ODAD2: variants seen among roughly 807,000 people sequenced by gnomAD.
ODAD2 encodes outer dynein arm docking complex subunit 2.
In ODAD2, 89 loss-of-function variants were observed where a neutral mutation model predicts 106.8. The observed-to-expected ratio is 0.83, with a 90% confidence interval of 0.70 to 0.99. The LOEUF (loss-of-function observed/expected upper bound fraction) is 0.99. ODAD2 is among the 50% of genes least tolerant of loss of function. The pLI is 0.00. For missense variants in ODAD2, 1,168 were observed against 1,238.5 expected, an observed-to-expected ratio of 0.94 and a Z score of 0.85; for synonymous variants, 404 against 436.2, an observed-to-expected ratio of 0.93 and a Z score of 0.92.
At position 27,935,112 on chromosome 10, in the gene ODAD2, C is replaced by T; in HGVS notation, c.2393G>A (p.Gly798Asp). 1 of 1,613,970 alleles carries T rather than the reference C, an allele frequency of 6.2e-7. No individual in the cohort carries two copies. Among genetic ancestry groups the T allele is most frequent in the Non-Finnish European group, 8.5e-7 (1 of 1,179,898 alleles). ...ENRVIVRKCG[G>D]IQPLVNLLVG... ...AAGGAGGTTCACAAGTGGTTGAATG[C>T]CACCACATTTCCGGACAATGACTCG... Residue 798 changes from glycine to aspartate, a missense_variant, in exon 16 of 20, where the codon GGC becomes GAC. Around this residue, in one of 3 missense-constraint regions of ODAD2, gnomAD observed 701 missense variants for 712.3 expected, o/e 0.98. Transcript: ENST00000305242.
At chr10:27,903,386 G>C (rs1292176165) in intron 17 of ODAD2, among the ~76,000 whole-genome samples, 6 of 152,136 alleles carry the variant, frequency 3.9e-5, no homozygotes, top group African/African-American at 1.4e-4. Context: ...TTGAAAACCA[G>C]CACAAGACAA....
intron 2 of ODAD2, among the ~76,000 whole-genome samples, chr10:27,987,999 C>CA (rs988573143): frequency 6.7e-6 from 1 of 148,848 alleles, no homozygotes; most frequent in Non-Finnish European, 1.5e-5. Context: ...TGTTTATGAA[C>CA]AAAAAAACTA....
chr10:27,885,027 G>A (rs1164210942), intron 17 of ODAD2, among the ~76,000 whole-genome samples: 3 of 151,832 alleles, frequency 2.0e-5, no homozygotes, highest in African/African-American at 7.3e-5. Flanking sequence ...GACATACGAA[G>A]AAACAGGAAA....
At chr10:27,944,785 A>G in intron 11 of ODAD2, 31 bp downstream of exon 11, 1 of 1,613,634 alleles carries the variant, frequency 6.2e-7, no homozygotes, top group Non-Finnish European at 8.5e-7. Flanking sequence ...TGGGAACAAG[A>G]CTCCGCATCC....
At chr10:27,848,582 T>C (rs1838982462) in intron 19 of ODAD2, among the ~76,000 whole-genome samples, 1 of 152,016 alleles carries the variant, frequency 6.6e-6, no homozygotes, top group Admixed American at 6.6e-5. Flanking sequence ...ACTAAAGAGC[T>C]CCTGCACAGC....
At chr10:27,923,954 G>GAA (rs1844980050) in intron 16 of ODAD2, among the ~76,000 whole-genome samples, 1 of 61,360 alleles carries the variant, frequency 1.6e-5, no homozygotes, top group Non-Finnish European at 3.1e-5. Flanking sequence ...ATGAAAGAAA[G>GAA]AAAGAAAGAA....
chr10:27,986,190 T>C (rs766528273), intron 3 of ODAD2, among the ~76,000 whole-genome samples: 4 of 152,152 alleles, frequency 2.6e-5, no homozygotes, highest in Non-Finnish European at 5.9e-5. Context: ...CAACCATTTA[T>C]TGAGCATCTC....
In ODAD2 at chr10:27,971,125, G is replaced by T. The variant is rs770479946; in HGVS notation, c.1125C>A (p.Thr375=). Residue 375 remains threonine (T), a synonymous_variant, in exon 8 of 20, where the codon ACC becomes ACA. Transcript: ENST00000305242. ...CTACATACCCTTTGTAATTAACAGT[G>T]GTCTTCCAGTTTAAGCTTGGTTCCC... The part of the protein sequence containing the change: ...KRWEPSLNWK[T]TVNYKGKGSA... 8 of 1,612,848 alleles carry T rather than the reference G, an allele frequency of 5.0e-6. No individual in the cohort carries two copies. The highest frequency in any genetic ancestry group is 1.3e-5 in the African/African-American group (1 of 74,858).
chr10:27,912,869 A>C (rs74127149), intron 16 of ODAD2, among the ~76,000 whole-genome samples: 6,999 of 152,282 alleles, frequency 0.046, 564 homozygotes, highest in African/African-American at 0.16. Context: ...AAAACAGATT[A>C]GAAGAGAATT....
intron 19 of ODAD2, among the ~76,000 whole-genome samples, chr10:27,857,329 T>A (rs906317203): frequency 1.3e-5 from 2 of 152,234 alleles, no homozygotes; most frequent in African/African-American, 4.8e-5. Context: ...ACATATAACA[T>A]ACGAAATATG....
intron 19 of ODAD2, among the ~76,000 whole-genome samples, chr10:27,832,634 G>T (rs527582030): frequency 6.6e-6 from 1 of 152,176 alleles, no homozygotes; most frequent in Admixed American, 6.5e-5. Context: ...GCTCCTTTTG[G>T]TGTTACTGGT....
In ODAD2 at chr10:27,961,800, C is replaced by A; in HGVS notation, c.1239-85G>T. ...CTACATGGGGCCAGGTGCAGTGGCT[C>A]ATGCCTATAATCTCAGTGCTTTGGG... is the stretch of plus-strand genomic sequence containing the variant. On this transcript the variant is annotated intron_variant, in intron 9 of 19. Transcript: ENST00000305242. The A allele has an allele frequency of 2.5e-6, 3 of 1,185,854 alleles. No individual in the cohort carries two copies. In the South Asian group the frequency reaches 4.6e-5, roughly 18 times the overall value. The allele number at this position is 1,185,854 out of a possible 1,614,324, so 73.5% of individuals were successfully genotyped here.
chr10:27,993,974 A>ATGTGTG (rs56017872), intron 2 of ODAD2, among the ~76,000 whole-genome samples: 17,154 of 140,488 alleles, frequency 0.12, 1,141 homozygotes, highest in Middle Eastern at 0.24. Context: ...ATATATATAT[A>ATGTGTG]TGTGTGTGTG....
Position 27,862,490 on chromosome 10 carries a change from A to C in ODAD2, c.2743T>G (p.Leu915Val), listed in dbSNP as rs1840118994. The C allele has an allele frequency of 6.2e-7, 1 of 1,612,658 alleles. No homozygotes were observed. Among genetic ancestry groups the C allele is most frequent in the Non-Finnish European group, 8.5e-7 (1 of 1,179,406 alleles). The change falls in exon 18 of 20, where the codon TTA becomes GTA. Residue 915 changes from leucine to valine, a missense_variant. Leu to Val is a conservative substitution (Grantham distance 32). Coordinates refer to ENST00000305242, the MANE Select transcript of ODAD2 (RefSeq NM_018076.5). ...ACTCCATGATCTGTGATAACAGCTA[A>C]ATTTTCTTGATCTTTTGCTATGTTG... is the stretch of plus-strand genomic sequence containing the variant. Reference protein sequence around the residue: ...ITNIAKDQENLAVITDHGVVP... With the variant: ...ITNIAKDQENVAVITDHGVVP...
At chr10:27,819,206 G>A (rs565394509) in intron 19 of ODAD2, among the ~76,000 whole-genome samples, 13 of 152,178 alleles carry the variant, frequency 8.5e-5, no homozygotes, top group African/African-American at 1.4e-4. Flanking sequence ...AGCACAGGTC[G>A]GGGGAATTTA....
At chr10:27,923,998 GA>G (rs879488431) in intron 16 of ODAD2, among the ~76,000 whole-genome samples, 2 of 136,864 alleles carry the variant, frequency 1.5e-5, no homozygotes, top group African/African-American at 2.8e-5. Context: ...AAGAAAGAAA[GA>G]AAGAAAGAAA....
intron 17 of ODAD2, among the ~76,000 whole-genome samples, chr10:27,874,859 C>A (rs542158043): frequency 3.3e-5 from 5 of 152,196 alleles, no homozygotes; most frequent in African/African-American, 9.6e-5. Context: ...CGAGGAGTAT[C>A]TTTGTGGTGT....
intron 17 of ODAD2, among the ~76,000 whole-genome samples, chr10:27,897,788 A>G (rs1239777986): frequency 6.6e-6 from 1 of 152,144 alleles, no homozygotes; most frequent in East Asian, 1.9e-4. Flanking sequence ...AGACAAGAAG[A>G]GGGCTGGAGG....
intron 19 of ODAD2, among the ~76,000 whole-genome samples, chr10:27,845,332 G>A (rs939922863): frequency 6.6e-6 from 1 of 152,154 alleles, no homozygotes; most frequent in Non-Finnish European, 1.5e-5. Flanking sequence ...AGCTTCATAA[G>A]TGAAGGAGAA....
Sources: gnomAD v4.1 joint callset for allele counts (sites outside exome capture counted in the v4.1 genomes callset) on GRCh38, gnomAD v4.1.1 for gene constraint, gnomAD v4.1.1 regional missense constraint, MANE v1.5 for transcripts, NCBI Gene and HGNC (gene_info 2026-07-23, HGNC 2026-07-21) for gene names.